The following ITPK1 variants were observed in gnomAD, a reference collection of about 807,000 sequenced individuals.
ITPK1 encodes the protein inositol-tetrakisphosphate 1-kinase, also known as inositol 1,3,4-trisphosphate 5/6-kinase.
Under a neutral mutation model 45.3 loss-of-function variants are expected in ITPK1, and 21 were observed. The ratio of observed to expected loss-of-function variants is 0.46; its 90% CI spans 0.33 to 0.67. The LOEUF (loss-of-function observed/expected upper bound fraction) is 0.67, where lower values mean the gene tolerates loss of function less well. ITPK1 is among the 30% of genes least tolerant of loss of function. The pLI, the probability that ITPK1 is intolerant of heterozygous loss-of-function variation, is 0.02. For missense variants in ITPK1, 474 were observed against 573.5 expected, an observed-to-expected ratio of 0.83 and a Z score of 1.77; for synonymous variants, 258 against 253.6, an observed-to-expected ratio of 1.02 and a Z score of -0.16.
intron 2 of ITPK1, among the ~76,000 whole-genome samples, chr14:93,114,074 C>T (rs1892847207): frequency 6.6e-6 from 1 of 152,228 alleles, no homozygotes; most frequent in Admixed American, 6.5e-5. Context: ...GCAAGTAGAG[C>T]CCATTTTCAA....
At chr14:92,967,307 T>C (rs1346348829) in intron 5 of ITPK1, among the ~76,000 whole-genome samples, 1 of 152,166 alleles carries the variant, frequency 6.6e-6, no homozygotes, top group African/African-American at 2.4e-5. Context: ...GACATATAAA[T>C]GGCCAATAAG....
In ITPK1 at chr14:92,941,551, G is replaced by A. The variant is rs1281872605; in HGVS notation, c.*10C>T. 1.8e-5 allele frequency: 27 copies of A among 1,522,834 alleles called. No individual in the cohort carries two copies. Among genetic ancestry groups the A allele is most frequent in the African/African-American group, 4.2e-5 (3 of 71,018 alleles). 94.3% of individuals were successfully genotyped at this position (1,522,834 alleles called of 1,614,324 possible). A position where few individuals can be genotyped will look rare whatever the true frequency, so the allele number is the denominator to read the frequency against. On this transcript the variant is annotated 3_prime_UTR_variant, in exon 11 of 11. Coordinates refer to ENST00000267615, the MANE Select transcript of ITPK1 (RefSeq NM_014216.6). ...GCCCTGCGCTGCCCCTCTGGGTCCC[G>A]GCTCCGTGGCTACTGGGAGGAGGCC... is the stretch of plus-strand genomic sequence containing the variant.
chr14:93,028,922 G>C (rs1303176541), intron 3 of ITPK1, among the ~76,000 whole-genome samples: 1 of 152,186 alleles, frequency 6.6e-6, no homozygotes, highest in Non-Finnish European at 1.5e-5. Flanking sequence ...CTGAGCTTAC[G>C]TGGCTGATGA....
In ITPK1 at chr14:93,013,392, C is replaced by G. The variant is rs191389412; in HGVS notation, c.246+3284G>C. ...GCAGTAAGCCTCTGGCCCACAGCCT[C>G]CACCTGCCCACCAGGGCAGCCAGAA... On this transcript the variant is annotated intron_variant, in intron 4 of 10. Transcript: ENST00000267615. Among the ~76,000 whole-genome samples the G allele has an allele frequency of 2.6e-5, 4 of 152,360 alleles. No homozygotes were observed. The East Asian group carries it at 5.8e-4, about 22-fold the overall frequency.
At chr14:92,993,644 C>G (rs997725865) in intron 5 of ITPK1, among the ~76,000 whole-genome samples, 5 of 152,182 alleles carry the variant, frequency 3.3e-5, no homozygotes, top group Non-Finnish European at 7.4e-5. Flanking sequence ...CACAGCAAAA[C>G]AAAACCCTCA....
intron 3 of ITPK1, among the ~76,000 whole-genome samples, chr14:93,028,994 C>T (rs76733212): frequency 0.027 from 4,058 of 152,292 alleles, 98 homozygotes; most frequent in Admixed American, 0.085. Flanking sequence ...TGTCCTATTC[C>T]TCCCCGTGGC....
Position 92,941,002 on chromosome 14 carries a change from G to T in ITPK1, c.*559C>A, listed in dbSNP as rs1231160075. 2 of 1,266,586 alleles carry T rather than the reference G, an allele frequency of 1.6e-6. No individual in the cohort carries two copies. Among genetic ancestry groups the T allele is most frequent in the Non-Finnish European group, 2.0e-6 (2 of 976,894 alleles). The allele number at this position is 1,266,586 out of a possible 1,614,324, so 78.5% of individuals were successfully genotyped here. ...GGGGTCTGTGGCCTCCTCTGGCTGT[G>T]GGGAGGGAGGGGTTAGCTGCACACC... On this transcript the variant is annotated 3_prime_UTR_variant, in exon 11 of 11. Coordinates refer to ENST00000267615, the MANE Select transcript of ITPK1 (RefSeq NM_014216.6).
chr14:92,986,596 G>C (rs1169589317), intron 5 of ITPK1, among the ~76,000 whole-genome samples: 3 of 152,214 alleles, frequency 2.0e-5, no homozygotes, highest in Non-Finnish European at 4.4e-5. Context: ...TCTGCAGGAA[G>C]GCCTGGGGCA....
intron 8 of ITPK1, among the ~76,000 whole-genome samples, chr14:92,955,677 A>G (rs1372179682): frequency 6.6e-6 from 1 of 152,248 alleles, no homozygotes; most frequent in Non-Finnish European, 1.5e-5. Flanking sequence ...CACGTAAAAA[A>G]CAAAAGTGCA....
chr14:92,952,598 A>G (rs1888009886), intron 8 of ITPK1, among the ~76,000 whole-genome samples: 2 of 152,232 alleles, frequency 1.3e-5, no homozygotes, highest in South Asian at 4.1e-4. Flanking sequence ...GAAAGCACAC[A>G]GCACAATTTC....
intron 3 of ITPK1, among the ~76,000 whole-genome samples, chr14:93,029,409 TCCCAAGCAGC>T (rs1333912268): frequency 6.6e-6 from 1 of 152,026 alleles, no homozygotes; most frequent in Non-Finnish European, 1.5e-5. Flanking sequence ...TTCCACGATG[TCCCAAGCAGC>T]CCCAGGAATA....
Position 92,938,318 on chromosome 14 carries a change from T to C in ITPK1, c.*3243A>G, listed in dbSNP as rs911255557. 3.0e-6 allele frequency: 2 copies of C among 657,434 alleles called. No homozygotes were observed. Among genetic ancestry groups the C allele is most frequent in the Admixed American group, 2.3e-5 (1 of 43,342 alleles). The allele number at this position is 657,434 out of a possible 1,614,324, so 40.7% of individuals were successfully genotyped here. A position where few individuals can be genotyped will look rare whatever the true frequency, so the allele number is the denominator to read the frequency against. On this transcript the variant is annotated 3_prime_UTR_variant, in exon 11 of 11. Coordinates refer to ENST00000267615, the MANE Select transcript of ITPK1 (RefSeq NM_014216.6). ...GACCCCAGGGACATTAGTGAAGCCATTCAGCAGTTGTGGCCAGTGGCCAAT... is the reference window on the plus strand; with the variant it reads ...GACCCCAGGGACATTAGTGAAGCCACTCAGCAGTTGTGGCCAGTGGCCAAT...
At chr14:92,957,641 C>T (rs1884811805) in intron 8 of ITPK1, among the ~76,000 whole-genome samples, 1 of 152,230 alleles carries the variant, frequency 6.6e-6, no homozygotes, top group African/African-American at 2.4e-5. Context: ...TGACTCAAAA[C>T]ACGCTCACTG....
chr14:93,098,135 A>G (rs1892158405), intron 2 of ITPK1, among the ~76,000 whole-genome samples: 1 of 152,130 alleles, frequency 6.6e-6, no homozygotes, highest in Non-Finnish European at 1.5e-5. Context: ...CCTGACCAAC[A>G]TGGTGAAACC....
chr14:92,942,587 C>T (rs186878745), intron 10 of ITPK1, among the ~76,000 whole-genome samples: 38 of 152,284 alleles, frequency 2.5e-4, no homozygotes, highest in Non-Finnish European at 3.7e-4. Context: ...AGCCAAGGAA[C>T]GGAAATGCTG....
chr14:93,064,948 C>G (rs182198642), intron 3 of ITPK1, among the ~76,000 whole-genome samples: 1 of 152,154 alleles, frequency 6.6e-6, no homozygotes, highest in Non-Finnish European at 1.5e-5. Context: ...GCGGGGAATC[C>G]CTGGGACCTC....
intron 2 of ITPK1, among the ~76,000 whole-genome samples, chr14:93,103,761 G>A (rs1248928564): frequency 6.6e-6 from 1 of 152,182 alleles, no homozygotes. Flanking sequence ...GTACCCCAGG[G>A]TGGAGACCGG....
intron 3 of ITPK1, among the ~76,000 whole-genome samples, chr14:93,027,857 C>A (rs1039961987): frequency 2.6e-5 from 4 of 152,224 alleles, no homozygotes; most frequent in Non-Finnish European, 5.9e-5. Context: ...TCACTGAAAA[C>A]CCTTCCCTGC....
intron 3 of ITPK1, among the ~76,000 whole-genome samples, chr14:93,061,348 A>G (rs1890512489): frequency 6.6e-6 from 1 of 152,090 alleles, no homozygotes; most frequent in African/African-American, 2.4e-5. Flanking sequence ...ACCAGAGGCC[A>G]CCCGGGGACC....
Sources: gnomAD v4.1 joint callset for allele counts (sites outside exome capture counted in the v4.1 genomes callset) on GRCh38, gnomAD v4.1.1 for gene constraint, MANE v1.5 for transcripts, NCBI Gene and HGNC (gene_info 2026-07-23, HGNC 2026-07-21) for gene names.